Variants in DTX1 observed in about 807,000 individuals in gnomAD.
DTX1 encodes the protein deltex E3 ubiquitin ligase 1, also known as E3 ubiquitin-protein ligase DTX1.
In DTX1, 26 loss-of-function variants were observed where a neutral mutation model predicts 57.8. The observed-to-expected ratio is 0.45, with a 90% CI of 0.33 to 0.62. The LOEUF (loss-of-function observed/expected upper bound fraction) is 0.62. Among genes scored for constraint, DTX1 ranks in the 20% least tolerant of loss-of-function variants. The pLI is 0.02. For synonymous variants in DTX1, 398 were observed against 394.1 expected (o/e 1.01, Z -0.12); for missense variants, 704 against 895.3 (o/e 0.79, Z 2.73).
rs55853221 is a variant in DTX1 at position 113,080,974 on chromosome 12, CAAA to C, written c.941+2882_941+2884del. 2.9e-3 allele frequency among the ~76,000 whole-genome samples: 406 copies of C among 141,640 alleles called. 8 individuals are homozygous for C. In the South Asian group the frequency reaches 0.036, roughly 12 times the overall value. The allele number at this position is 141,640 out of a possible 152,430, so 92.9% of individuals were successfully genotyped here. On this transcript the variant is annotated intron_variant, in intron 3 of 9. Coordinates refer to ENST00000548759, the MANE Select transcript of DTX1 (RefSeq NM_004416.3). ...TGAGAGACAGAGCAAGACACTGTCT[CAAA>C]AAAAAAAAAAAATTGCTCCATGAAT... is the stretch of plus-strand genomic sequence containing the variant.
At chr12:113,076,151 G>T (rs1315228898) in intron 2 of DTX1, among the ~76,000 whole-genome samples, 1 of 151,988 alleles carries the variant, frequency 6.6e-6, no homozygotes, top group Non-Finnish European at 1.5e-5. Flanking sequence ...ATACATAAAG[G>T]TATCAATTTA....
At chr12:113,063,454 G>A (rs932607513) in intron 2 of DTX1, among the ~76,000 whole-genome samples, 1 of 152,202 alleles carries the variant, frequency 6.6e-6, no homozygotes, top group African/African-American at 2.4e-5. Flanking sequence ...CTCCCAGCTC[G>A]CTCCCTGGCC....
intron 3 of DTX1, among the ~76,000 whole-genome samples, chr12:113,086,186 T>C (rs928680789): frequency 1.3e-5 from 2 of 151,236 alleles, no homozygotes; most frequent in African/African-American, 4.9e-5. Flanking sequence ...GAGGATCCCT[T>C]GAGCCCAGGT....
intron 2 of DTX1, among the ~76,000 whole-genome samples, chr12:113,070,271 A>T (rs761425758): frequency 6.6e-6 from 1 of 152,288 alleles, no homozygotes; most frequent in South Asian, 2.1e-4. Flanking sequence ...TTGGTGAAGG[A>T]TTCAGTGAAG....
At chr12:113,076,233 T>C in intron 2 of DTX1, among the ~76,000 whole-genome samples, 1 of 151,714 alleles carries the variant, frequency 6.6e-6, no homozygotes, top group East Asian at 1.9e-4. Context: ...CTGAGGTGGG[T>C]GGATCACCTG....
intron 6 of DTX1, 38 bp downstream of exon 6, chr12:113,094,137 C>A: frequency 3.5e-6 from 5 of 1,448,570 alleles, no homozygotes; most frequent in Non-Finnish European, 4.7e-6. Context: ...AGGGCCCTGG[C>A]ATGGAGGGGG....
chr12:113,089,688 A>T (rs1270117799), intron 3 of DTX1, among the ~76,000 whole-genome samples: 1 of 152,158 alleles, frequency 6.6e-6, no homozygotes, highest in Non-Finnish European at 1.5e-5. Context: ...GAAGCTGGAG[A>T]CTACCTCGGG....
rs902179669 is a variant in DTX1 at position 113,094,708 on chromosome 12, G to T, written c.1228-81G>T. 7.1e-5 allele frequency: 108 copies of T among 1,525,840 alleles called. 3 individuals are homozygous for T. In the South Asian group the frequency reaches 1.3e-3, roughly 18 times the overall value. The allele number at this position is 1,525,840 out of a possible 1,614,324, so 94.5% of individuals were successfully genotyped here. A position where few individuals can be genotyped will look rare whatever the true frequency, so the allele number is the denominator to read the frequency against. On this transcript the variant is annotated intron_variant, in intron 6 of 9. Transcript: ENST00000548759. Reference sequence around the variant, plus strand: ...AGAGAGAGTGTGGTCTGCTGCCTATGGTGACCCACCAAGGGGCAGTGCTGA... The same window carrying T: ...AGAGAGAGTGTGGTCTGCTGCCTATTGTGACCCACCAAGGGGCAGTGCTGA...
At position 113,095,155 on chromosome 12, in the gene DTX1, T is replaced by C. The variant is rs1239137193; in HGVS notation, c.1500T>C (p.Pro500=). ...TCCCCCACTCGCTGCCCGGCTTCCC[T>C]GATACCCAGACCATCCGCATCGTCT... ...HLIPHSLPGF[P]DTQTIRIVYD... is the part of the protein sequence containing the mutation. Residue 500 remains proline (P), a synonymous_variant, in exon 8 of 10, where the codon CCT becomes CCC. Coordinates refer to ENST00000548759, the MANE Select transcript of DTX1 (RefSeq NM_004416.3). 3.1e-6 allele frequency: 5 copies of C among 1,613,460 alleles called. No individual in the cohort carries two copies. Among genetic ancestry groups the C allele is most frequent in the Non-Finnish European group, 4.2e-6 (5 of 1,179,418 alleles).
Position 113,096,204 on chromosome 12 carries a change from CA to C in DTX1, c.1639-500del, listed in dbSNP as rs780078089. On this transcript the variant is annotated intron_variant, in intron 9 of 9. Coordinates refer to ENST00000548759, the MANE Select transcript of DTX1 (RefSeq NM_004416.3). ...TGGGTGACAGAGCAAGACTCCATCA[CA>C]AAAAAAAAAACAGGCAGGCCAAGCG... Among the ~76,000 whole-genome samples the C allele has an allele frequency of 5.9e-3, 846 of 142,960 alleles. 15 individuals carry two copies. Among genetic ancestry groups the C allele is most frequent in the African/African-American group, 0.021 (800 of 38,992 alleles). The allele number at this position is 142,960 out of a possible 152,430, so 93.8% of individuals were successfully genotyped here. A position where few individuals can be genotyped will look rare whatever the true frequency, so the allele number is the denominator to read the frequency against.
At chr12:113,068,158 A>C (rs1340335512) in intron 2 of DTX1, among the ~76,000 whole-genome samples, 1 of 152,254 alleles carries the variant, frequency 6.6e-6, no homozygotes, top group East Asian at 1.9e-4. Flanking sequence ...AGCAGCATTC[A>C]GTTAGGTTCA....
intron 2 of DTX1, among the ~76,000 whole-genome samples, chr12:113,063,916 T>TC (rs1294902099): frequency 2.0e-5 from 3 of 152,118 alleles, no homozygotes; most frequent in African/African-American, 7.2e-5. Flanking sequence ...GTGAGTGACT[T>TC]CCCCAAGGTC....
At chr12:113,082,982 T>C (rs1365953951) in intron 3 of DTX1, among the ~76,000 whole-genome samples, 1 of 152,244 alleles carries the variant, frequency 6.6e-6, no homozygotes, top group Admixed American at 6.5e-5. Context: ...GTATTCTCTC[T>C]TTCACATTCT....
At chr12:113,063,062 C>T (rs992576570) in intron 2 of DTX1, among the ~76,000 whole-genome samples, 2 of 152,212 alleles carry the variant, frequency 1.3e-5, no homozygotes, top group Admixed American at 6.5e-5. Context: ...GGGTCGCTTG[C>T]TCGCTTCGCA....
At chr12:113,089,618 G>A (rs1193018146) in intron 3 of DTX1, among the ~76,000 whole-genome samples, 2 of 152,200 alleles carry the variant, frequency 1.3e-5, no homozygotes, top group Non-Finnish European at 2.9e-5. Context: ...TGGCTCCCAC[G>A]CTCAGGGTTC....
At chr12:113,074,058 C>T (rs2044753970) in intron 2 of DTX1, among the ~76,000 whole-genome samples, 1 of 152,074 alleles carries the variant, frequency 6.6e-6, no homozygotes, top group Admixed American at 6.5e-5. Flanking sequence ...TGGTGAAATC[C>T]CGTCTCTACG....
intron 3 of DTX1, among the ~76,000 whole-genome samples, chr12:113,090,504 A>G (rs1471649503): frequency 6.6e-6 from 1 of 152,182 alleles, no homozygotes; most frequent in African/African-American, 2.4e-5. Context: ...TAACTTTCAC[A>G]GGACTCTATC....
Position 113,097,025 on chromosome 12 carries a change from T to C in DTX1, c.*86T>C. On this transcript the variant is annotated 3_prime_UTR_variant, in exon 10 of 10. Coordinates refer to ENST00000548759, the MANE Select transcript of DTX1 (RefSeq NM_004416.3). ...CCAGGTGTGTCCTGGTAGCCCAGGT[T>C]CAGGGCTGGGGAGGAGCCTGCGGAA... 2 of 1,433,248 alleles carry C rather than the reference T, an allele frequency of 1.4e-6. No homozygotes were observed. Among genetic ancestry groups the C allele is most frequent in the Non-Finnish European group, 1.9e-6 (2 of 1,071,970 alleles). 88.8% of individuals were successfully genotyped at this position (1,433,248 alleles called of 1,614,324 possible).
chr12:113,085,802 A>G (rs1256598724), intron 3 of DTX1, among the ~76,000 whole-genome samples: 1 of 152,230 alleles, frequency 6.6e-6, no homozygotes, highest in Non-Finnish European at 1.5e-5. Flanking sequence ...TGGAGCTCAC[A>G]TTCTAGTGGG....
Sources: gnomAD v4.1 joint callset for allele counts (sites outside exome capture counted in the v4.1 genomes callset) on GRCh38, gnomAD v4.1.1 for gene constraint, MANE v1.5 for transcripts, NCBI Gene and HGNC (gene_info 2026-07-23, HGNC 2026-07-21) for gene names.